PREX1: variants seen among roughly 807,000 people sequenced by gnomAD.
PREX1 encodes phosphatidylinositol-3,4,5-trisphosphate dependent Rac exchange factor 1.
In PREX1, 41 loss-of-function variants were observed where a neutral mutation model predicts 198.3. The observed-to-expected ratio is 0.21, with a 90% confidence interval of 0.16 to 0.27. The LOEUF (loss-of-function observed/expected upper bound fraction) is 0.27. PREX1 is among the 10% of genes least tolerant of loss of function. The probability of loss-of-function intolerance (pLI) is 1.00; values close to 1 mark genes in which losing one functional copy is unlikely to be tolerated. For missense variants in PREX1, 1,620 were observed against 2,200.7 expected (o/e 0.74, Z 5.28); for synonymous variants, 843 against 887.2 (o/e 0.95, Z 0.89).
chr20:48,782,575 T>C (rs1394775330), intron 1 of PREX1, among the ~76,000 whole-genome samples: 1 of 152,132 alleles, frequency 6.6e-6, no homozygotes, highest in East Asian at 1.9e-4. Context: ...GAAAGTCTCA[T>C]TAAATGTAGA....
chr20:48,708,171 G>A, intron 6 of PREX1, 89 bp downstream of exon 6: 1 of 1,389,114 alleles, frequency 7.2e-7, no homozygotes, highest in Non-Finnish European at 9.9e-7. Flanking sequence ...ATTGCAGACT[G>A]ACAGGTGCCC....
At chr20:48,668,295 G>A (rs538149010) in intron 14 of PREX1, among the ~76,000 whole-genome samples, 2 of 152,220 alleles carry the variant, frequency 1.3e-5, no homozygotes, top group East Asian at 1.9e-4. Context: ...AGGACAAGCT[G>A]AGTCAGGCCC....
chr20:48,730,649 G>T (rs183613266), intron 4 of PREX1, among the ~76,000 whole-genome samples: 9 of 152,014 alleles, frequency 5.9e-5, no homozygotes, highest in Non-Finnish European at 1.2e-4. Flanking sequence ...TGTCATCCTG[G>T]GGGTGGACTT....
chr20:48,737,075 A>C (rs1175055068), intron 3 of PREX1, among the ~76,000 whole-genome samples: 1 of 152,114 alleles, frequency 6.6e-6, no homozygotes, highest in Non-Finnish European at 1.5e-5. Flanking sequence ...AATGGTGCAT[A>C]GTAAGTGTTC....
intron 25 of PREX1, among the ~76,000 whole-genome samples, chr20:48,647,745 A>G (rs1309325043): frequency 2.6e-5 from 4 of 152,130 alleles, no homozygotes; most frequent in Non-Finnish European, 2.9e-5. Context: ...TCCTGGCTCT[A>G]GAGTCTACAT....
At chr20:48,717,091 A>G (rs574141432) in intron 5 of PREX1, among the ~76,000 whole-genome samples, 1 of 152,378 alleles carries the variant, frequency 6.6e-6, no homozygotes, top group East Asian at 1.9e-4. Flanking sequence ...AAGCGAAATC[A>G]TAAGAAAATG....
At chr20:48,823,982 C>A (rs1238259570) in intron 1 of PREX1, among the ~76,000 whole-genome samples, 1 of 152,174 alleles carries the variant, frequency 6.6e-6, no homozygotes, top group African/African-American at 2.4e-5. Flanking sequence ...TTGACACATG[C>A]AAAGTGCTTA....
chr20:48,741,678 G>A lies in PREX1; in HGVS notation c.414+3347C>T, dbSNP rs139298051. Among the ~76,000 whole-genome samples, 671 of 152,314 alleles carry A rather than the reference G, an allele frequency of 4.4e-3. 1 individual carries two copies. Among genetic ancestry groups the A allele is most frequent in the Middle Eastern group, 0.01 (3 of 294 alleles). ...AGGGTGATGCGGACTGTTCTGTTGAGAATGACAGAGTAGGGGAGGGGCGCG... is the reference window on the plus strand; with the variant it reads ...AGGGTGATGCGGACTGTTCTGTTGAAAATGACAGAGTAGGGGAGGGGCGCG... On this transcript the variant is annotated intron_variant, in intron 3 of 39. Transcript: ENST00000371941.
chr20:48,846,339 G>A, the PREX1 span, among the ~76,000 whole-genome samples: 1 of 152,126 alleles, frequency 6.6e-6, no homozygotes, highest in African/African-American at 2.4e-5. Flanking sequence ...ACTTGCAGGT[G>A]GTCTTATCCT....
At chr20:48,634,498 G>C (rs771419245) in intron 33 of PREX1, among the ~76,000 whole-genome samples, 178 bp downstream of exon 33, 1 of 152,158 alleles carries the variant, frequency 6.6e-6, no homozygotes, top group South Asian at 2.1e-4. Flanking sequence ...TTCCATGTGT[G>C]CCCCAAAGTT....
intron 1 of PREX1, among the ~76,000 whole-genome samples, chr20:48,775,325 CA>C (rs2090256183): frequency 6.6e-6 from 1 of 151,914 alleles, no homozygotes. Flanking sequence ...AGAGATAAAG[CA>C]AGGAGACGGG....
intron 1 of PREX1, among the ~76,000 whole-genome samples, chr20:48,764,802 G>A (rs118109152): frequency 0.24 from 33,050 of 139,178 alleles, 5,198 homozygotes; most frequent in Non-Finnish European, 0.33. Flanking sequence ...AAAAAAGAAA[G>A]AAAGAAAGAA....
intron 1 of PREX1, among the ~76,000 whole-genome samples, chr20:48,825,365 A>G (rs904055529): frequency 3.3e-5 from 5 of 152,228 alleles, no homozygotes; most frequent in African/African-American, 1.2e-4. Flanking sequence ...ACGTAGCATG[A>G]TTGGTCCAAG....
intron 1 of PREX1, among the ~76,000 whole-genome samples, chr20:48,815,788 C>T (rs1352034919): frequency 6.6e-6 from 1 of 152,068 alleles, no homozygotes; most frequent in East Asian, 1.9e-4. Flanking sequence ...GGGCAAATCA[C>T]CTGAGGTCAG....
chr20:48,640,967 T>C (rs905456598), intron 29 of PREX1, among the ~76,000 whole-genome samples: 1 of 151,370 alleles, frequency 6.6e-6, no homozygotes, highest in African/African-American at 2.4e-5. Context: ...GATGGGTGCA[T>C]GGGTGGCTGA....
the PREX1 span, among the ~76,000 whole-genome samples, chr20:48,839,675 A>T: frequency 6.6e-6 from 1 of 152,196 alleles, no homozygotes; most frequent in East Asian, 1.9e-4. Flanking sequence ...GGCCTCTTGC[A>T]GGTGGGTGGA....
the PREX1 span, among the ~76,000 whole-genome samples, chr20:48,836,070 A>T: frequency 6.6e-6 from 1 of 152,126 alleles, no homozygotes; most frequent in Non-Finnish European, 1.5e-5. Context: ...CCTATAATCT[A>T]TGATTTTTGG....
At chr20:48,860,641 C>G in the PREX1 span, among the ~76,000 whole-genome samples, 5 of 152,050 alleles carry the variant, frequency 3.3e-5, no homozygotes, top group Non-Finnish European at 2.9e-5. Context: ...GAGATCGAGA[C>G]CATCCTGGCT....
intron 15 of PREX1, among the ~76,000 whole-genome samples, chr20:48,661,062 C>T (rs529301846): frequency 3.9e-4 from 60 of 152,240 alleles, no homozygotes; most frequent in African/African-American, 1.3e-3. Flanking sequence ...AAGTTGGATA[C>T]TGTGACAAGC....
Sources: allele counts gnomAD v4.1 joint callset (sites outside exome capture counted in the v4.1 genomes callset), GRCh38; gene constraint gnomAD v4.1.1; transcripts MANE v1.5; gene names NCBI Gene and HGNC (gene_info 2026-07-23, HGNC 2026-07-21).